Variants in TMEM222 observed in about 807,000 individuals in gnomAD.
TMEM222 encodes transmembrane protein 222.
Under a neutral mutation model 25.1 loss-of-function variants are expected in TMEM222, and 18 were observed. The observed-to-expected ratio is 0.72, with a 90% CI of 0.50 to 1.06. TMEM222 has a LOEUF of 1.06. Ranked by LOEUF, TMEM222 falls within the 50% of genes least tolerant of loss-of-function variation. The probability of loss-of-function intolerance (pLI) is 0.00; values close to 1 mark genes in which losing one functional copy is unlikely to be tolerated. For synonymous variants in TMEM222, 131 were observed against 117.9 expected (o/e 1.11, Z -0.72); for missense variants, 296 against 293.7 (o/e 1.01, Z -0.06).
At position 27,322,275 on chromosome 1, in the gene TMEM222, G is replaced by A. The variant is rs1178545389; in HGVS notation, c.78G>A (p.Ala26=). Residue 26 remains alanine, a synonymous_variant, in exon 1 of 6, where the codon GCG becomes GCA. Transcript: ENST00000374076. ...PPPPRMAEVE[A]PTAAETDMKQ... is the part of the protein sequence containing the mutation. ...CGCCCAGGATGGCGGAAGTGGAGGC[G>A]CCGACGGCGGCCGAGACGGACATGA... The A allele has an allele frequency of 1.3e-6, 2 of 1,544,124 alleles. No individual in the cohort carries two copies. Among genetic ancestry groups the A allele is most frequent in the Non-Finnish European group, 1.8e-6 (2 of 1,142,642 alleles).
intron 5 of TMEM222, chr1:27,334,691 A>G (rs1226126490): frequency 7.2e-7 from 1 of 1,382,028 alleles, no homozygotes. Flanking sequence ...AGAGAGATTG[A>G]GTGAGTCGCC....
intron 5 of TMEM222, 47 bp from the exon 6 acceptor site, chr1:27,335,332 G>T: frequency 6.3e-7 from 1 of 1,591,428 alleles, no homozygotes; most frequent in Non-Finnish European, 8.6e-7. Flanking sequence ...CCGCATGCCT[G>T]CTCACCAGGC....
chr1:27,326,440 G>A (rs1489518169), intron 1 of TMEM222, among the ~76,000 whole-genome samples: 3 of 152,074 alleles, frequency 2.0e-5, no homozygotes, highest in Non-Finnish European at 4.4e-5. Flanking sequence ...GATGAGAACA[G>A]ATTTTGGTTT....
In TMEM222 at chr1:27,332,060, C is replaced by T. The variant is rs201414077; in HGVS notation, c.280-10C>T. The T allele has an allele frequency of 3.4e-5, 55 of 1,614,202 alleles. No homozygotes were observed. The East Asian group carries it at 1.1e-3, about 33-fold the overall frequency. On this transcript the variant is annotated splice_polypyrimidine_tract_variant and intron_variant, in intron 2 of 5. Coordinates refer to ENST00000374076, the MANE Select transcript of TMEM222 (RefSeq NM_032125.3). ...GTTCCTCACTGACCTCTGCTTTTGT[C>T]CCTCAACAGGAGGACAACATGGCCT...
chr1:27,326,962 G>A (rs1374032121), intron 1 of TMEM222, among the ~76,000 whole-genome samples: 1 of 150,900 alleles, frequency 6.6e-6, no homozygotes, highest in Non-Finnish European at 1.5e-5. Context: ...GCTGTGGCGT[G>A]TGGAATCCTG....
chr1:27,324,818 G>C (rs867251779), intron 1 of TMEM222, among the ~76,000 whole-genome samples: 6 of 152,050 alleles, frequency 3.9e-5, no homozygotes, highest in East Asian at 1.9e-4. Context: ...AGGGAGTGAG[G>C]GGGGAGATGC....
chr1:27,326,163 A>G (rs1325752304), intron 1 of TMEM222, among the ~76,000 whole-genome samples: 1 of 152,174 alleles, frequency 6.6e-6, no homozygotes, highest in African/African-American at 2.4e-5. Flanking sequence ...CAGGGTATTA[A>G]TATGTCATGG....
intron 1 of TMEM222, chr1:27,325,435 A>G (rs878989933): frequency 6.6e-6 from 8 of 1,210,660 alleles, no homozygotes; most frequent in African/African-American, 1.5e-5. Context: ...AAGCGGTTCC[A>G]GTGTCCGGAG....
intron 1 of TMEM222, chr1:27,325,806 GA>G: frequency 1.3e-6 from 1 of 799,810 alleles, no homozygotes; most frequent in Admixed American, 1.7e-5. Flanking sequence ...AATGGACTGC[GA>G]GCCGATGCGT....
chr1:27,331,087 A>C, intron 2 of TMEM222: 1 of 1,327,412 alleles, frequency 7.5e-7, no homozygotes, highest in Non-Finnish European at 9.8e-7. Flanking sequence ...GATTAGAGGC[A>C]AGAGTGGAGA....
At chr1:27,333,505 G>A (rs541794020) in intron 3 of TMEM222, 1 of 458,338 alleles carries the variant, frequency 2.2e-6, no homozygotes, top group African/African-American at 2.0e-5. Flanking sequence ...TGCGGGTGCT[G>A]GTAGAGTCAG....
chr1:27,333,758 C>T (rs1292690412), intron 3 of TMEM222, 200 bp from the exon 4 acceptor site: 4 of 589,360 alleles, frequency 6.8e-6, no homozygotes, highest in Non-Finnish European at 1.2e-5. Flanking sequence ...CATTCCATAT[C>T]CCCCCAGGAT....
intron 2 of TMEM222, 59 bp from the exon 3 acceptor site, chr1:27,332,011 G>C (rs2014490477): frequency 6.2e-7 from 1 of 1,600,670 alleles, no homozygotes; most frequent in African/African-American, 1.3e-5. Context: ...ACCTACCCAG[G>C]TTTGTCATCT....
intron 1 of TMEM222, among the ~76,000 whole-genome samples, chr1:27,326,649 A>G (rs553561640): frequency 6.6e-6 from 1 of 152,332 alleles, no homozygotes; most frequent in South Asian, 2.1e-4. Context: ...ATGTCAACCT[A>G]TGAAAGTAGA....
intron 1 of TMEM222, among the ~76,000 whole-genome samples, chr1:27,326,688 A>G (rs2014358406): frequency 6.6e-6 from 1 of 152,192 alleles, no homozygotes; most frequent in South Asian, 2.1e-4. Flanking sequence ...ATAGATGAGG[A>G]AGTAAGGCTT....
Position 27,322,233 on chromosome 1 carries a change from G to T in TMEM222, c.36G>T (p.Leu12Phe), listed in dbSNP as rs763133486. 1.6e-5 allele frequency: 24 copies of T among 1,455,438 alleles called. No homozygotes were observed. Among genetic ancestry groups the T allele is most frequent in the Non-Finnish European group, 2.1e-5 (23 of 1,097,584 alleles). 90.2% of individuals were successfully genotyped at this position (1,455,438 alleles called of 1,614,324 possible). ...AEAEGSSLLLLPPPPPPPRMA... is the reference protein window; with the variant it reads ...AEAEGSSLLLFPPPPPPPRMA... ...CGGAAGGGAGTTCTCTGCTCTTGTT[G>T]CCGCCGCCGCCACCCCCGCCCAGGA... Residue 12 changes from leucine to phenylalanine, a missense_variant, in exon 1 of 6, where the codon TTG becomes TTT. Leu to Phe is a conservative substitution (Grantham distance 22). Transcript: ENST00000374076.
chr1:27,332,373 A>T, intron 3 of TMEM222: 1 of 717,130 alleles, frequency 1.4e-6, no homozygotes, highest in Non-Finnish European at 2.6e-6. Flanking sequence ...GGGTGAGGAA[A>T]GGGAAGGGAC....
intron 1 of TMEM222, among the ~76,000 whole-genome samples, chr1:27,324,026 T>C (rs1477753192): frequency 6.6e-6 from 1 of 152,072 alleles, no homozygotes; most frequent in Non-Finnish European, 1.5e-5. Flanking sequence ...AATAAAATAT[T>C]AGTGTGAAAA....
chr1:27,335,617 G>A lies in TMEM222; in HGVS notation c.*151G>A. ...GGGGCTGGCAGGATGGAAGGACTGA[G>A]GACCAGCATGAAGTGGGGGTTTGTT... On this transcript the variant is annotated 3_prime_UTR_variant, in exon 6 of 6. Coordinates refer to ENST00000374076, the MANE Select transcript of TMEM222 (RefSeq NM_032125.3). 2 of 704,922 alleles carry A rather than the reference G, an allele frequency of 2.8e-6. No homozygotes were observed. The highest frequency in any genetic ancestry group is 4.8e-6 in the Non-Finnish European group (2 of 413,348). The allele number at this position is 704,922 out of a possible 1,614,324, so 43.7% of individuals were successfully genotyped here. A position where few individuals can be genotyped will look rare whatever the true frequency, so the allele number is the denominator to read the frequency against.
Sources: allele counts gnomAD v4.1 joint callset (sites outside exome capture counted in the v4.1 genomes callset), GRCh38; gene constraint gnomAD v4.1.1; transcripts MANE v1.5; gene names NCBI Gene and HGNC (gene_info 2026-07-23, HGNC 2026-07-21).